Variants in DGKG observed in about 807,000 individuals in gnomAD.
DGKG encodes the protein diacylglycerol kinase gamma, also known as DAG kinase gamma.
In DGKG, 78 loss-of-function variants were observed where a neutral mutation model predicts 105.3. The observed-to-expected ratio is 0.74, with a 90% CI of 0.62 to 0.89. The LOEUF is 0.89. DGKG is among the 40% of genes least tolerant of loss of function. The pLI, the probability that DGKG is intolerant of heterozygous loss-of-function variation, is 0.00. For synonymous variants in DGKG, 346 were observed against 367.1 expected, an observed-to-expected ratio of 0.94 and a Z score of 0.66; for missense variants, 958 against 1,020.1, an observed-to-expected ratio of 0.94 and a Z score of 0.83.
intron 1 of DGKG, among the ~76,000 whole-genome samples, chr3:186,348,449 A>ATT (rs1350593815): frequency 2.7e-5 from 3 of 112,376 alleles, no homozygotes; most frequent in African/African-American, 1.3e-4. Flanking sequence ...CTGGCTCATA[A>ATT]TCTTTTTTTT....
rs148867177 is a variant in DGKG at position 186,243,446 on chromosome 3, C to T, written c.1762-878G>A. 8.2e-3 allele frequency among the ~76,000 whole-genome samples: 1,254 copies of T among 152,212 alleles called. 24 individuals carry two copies. The highest frequency in any genetic ancestry group is 0.027 in the African/African-American group (1,113 of 41,542). On this transcript the variant is annotated intron_variant, in intron 19 of 24. Coordinates refer to ENST00000265022, the MANE Select transcript of DGKG (RefSeq NM_001346.3). ...ACTCCCTAACCCTGGGTTCTACCTG[C>T]GGCCCCCACTCCACACCGTGGCCAT...
At position 186,151,665 on chromosome 3, in the gene DGKG, A is replaced by G. The variant is rs187566960; in HGVS notation, c.2278-1477T>C. Among the ~76,000 whole-genome samples, 991 of 152,290 alleles carry G rather than the reference A, an allele frequency of 6.5e-3. 2 individuals are homozygous for G. Among genetic ancestry groups the G allele is most frequent in the Middle Eastern group, 0.024 (7 of 294 alleles). On this transcript the variant is annotated intron_variant, in intron 24 of 24. Coordinates refer to ENST00000265022, the MANE Select transcript of DGKG (RefSeq NM_001346.3). ...ACATGAAGAAATGAGGAAGCATGAG[A>G]GATGGCATTCTGTGCTGGAGAATAA...
At chr3:186,263,275 A>G (rs1721871427) in intron 14 of DGKG, among the ~76,000 whole-genome samples, 2 of 151,984 alleles carry the variant, frequency 1.3e-5, no homozygotes, top group Non-Finnish European at 1.5e-5. Flanking sequence ...CACTTAAAAC[A>G]TGTACTATTG....
intron 20 of DGKG, among the ~76,000 whole-genome samples, chr3:186,233,710 C>G (rs923264120): frequency 6.6e-6 from 1 of 152,202 alleles, no homozygotes; most frequent in Non-Finnish European, 1.5e-5. Flanking sequence ...GTCTCGATCT[C>G]CTGACCTCGT....
chr3:186,190,189 T>C (rs1177624211), intron 21 of DGKG, among the ~76,000 whole-genome samples: 2 of 152,168 alleles, frequency 1.3e-5, no homozygotes, highest in African/African-American at 4.8e-5. Flanking sequence ...AGTTTTTTAT[T>C]TCTCCTCCCT....
In DGKG at chr3:186,203,752, G is replaced by A. The variant is rs906750434; in HGVS notation, c.1917+8043C>T. On this transcript the variant is annotated intron_variant, in intron 21 of 24. Transcript: ENST00000265022. The surrounding 1 kb of genome is among the most constrained non-coding windows in gnomAD (Gnocchi z 4.9). ...TCAGGTTGGCCCTCTTATTTTCCACGAACTCAAAATCCCTTCTAATGCTCT... is the reference window on the plus strand; with the variant it reads ...TCAGGTTGGCCCTCTTATTTTCCACAAACTCAAAATCCCTTCTAATGCTCT... 7.9e-5 allele frequency among the ~76,000 whole-genome samples: 12 copies of A among 152,184 alleles called. No individual in the cohort carries two copies. The highest frequency in any genetic ancestry group is 2.2e-4 in the African/African-American group (9 of 41,450).
intron 3 of DGKG, among the ~76,000 whole-genome samples, chr3:186,306,056 G>A (rs573312903): frequency 3.3e-5 from 5 of 152,310 alleles, no homozygotes; most frequent in African/African-American, 1.2e-4. Context: ...ACCGTGTCCA[G>A]TGTTGTTGAG....
intron 2 of DGKG, among the ~76,000 whole-genome samples, chr3:186,315,384 T>TTTCCC (rs1724767509): frequency 6.6e-6 from 1 of 152,194 alleles, no homozygotes; most frequent in South Asian, 2.1e-4. Context: ...CTTCTTCACC[T>TTTCCC]TTCCCTTCCC....
chr3:186,228,017 AAAAC>A (rs971361965), intron 20 of DGKG, among the ~76,000 whole-genome samples: 1 of 152,220 alleles, frequency 6.6e-6, no homozygotes, highest in African/African-American at 2.4e-5. Context: ...TCTGGAGCTA[AAAAC>A]AAACAAAGAG....
rs1011233096 is a variant in DGKG, at chr3:186,361,026, C to G, written c.-249+920G>C. 6.6e-6 allele frequency among the ~76,000 whole-genome samples: 1 copy of G among 152,252 alleles called. No individual in the cohort carries two copies. Among genetic ancestry groups the G allele is most frequent in the African/African-American group, 2.4e-5 (1 of 41,468 alleles). On this transcript the variant is annotated intron_variant, in intron 1 of 24. Coordinates refer to ENST00000265022, the MANE Select transcript of DGKG (RefSeq NM_001346.3). This position sits in a 1 kb window ranked among gnomAD's most constrained non-coding sequence, Gnocchi z 6.8. ...ACTGCGGCGCAGCCACAGATCGCTT[C>G]GCGCTGCAGCAGACGCTCCCGCCGC... is the stretch of plus-strand genomic sequence containing the variant.
chr3:186,350,656 G>A (rs765234189), intron 1 of DGKG, among the ~76,000 whole-genome samples: 17 of 152,170 alleles, frequency 1.1e-4, no homozygotes, highest in Non-Finnish European at 7.3e-5. Context: ...AGTTTTTGAG[G>A]ACCCACTGTG....
intron 22 of DGKG, among the ~76,000 whole-genome samples, chr3:186,175,686 G>C (rs1355228026): frequency 6.6e-6 from 1 of 152,120 alleles, no homozygotes; most frequent in Non-Finnish European, 1.5e-5. Flanking sequence ...TCCAGTGCTG[G>C]GCACAGACTC....
Position 186,148,372 on chromosome 3 carries a change from T to A in DGKG, c.*1718A>T. The A allele has an allele frequency of 6.1e-6, 6 of 985,436 alleles. No individual in the cohort carries two copies. Among genetic ancestry groups the A allele is most frequent in the African/African-American group, 1.7e-5 (1 of 57,354 alleles). The allele number at this position is 985,436 out of a possible 1,614,324, so 61.0% of individuals were successfully genotyped here. On this transcript the variant is annotated 3_prime_UTR_variant, in exon 25 of 25. Transcript: ENST00000265022. The stretch of plus-strand genomic sequence containing the variant: ...CATGATGAGGTGACATGTGGAGAGT[T>A]CAGTCTGATGATCTGTTTAGTACCT...
chr3:186,155,558 A>T (rs1226281622), intron 24 of DGKG, among the ~76,000 whole-genome samples: 1 of 152,184 alleles, frequency 6.6e-6, no homozygotes, highest in East Asian at 1.9e-4. Flanking sequence ...TTTTGCAATG[A>T]TAAGTAATGT....
At chr3:186,347,119 T>C (rs1006329165) in intron 1 of DGKG, among the ~76,000 whole-genome samples, 17 of 152,286 alleles carry the variant, frequency 1.1e-4, no homozygotes, top group Admixed American at 5.2e-4. Context: ...ATATTTAGAA[T>C]TGGGTTTTGA....
intron 21 of DGKG, among the ~76,000 whole-genome samples, chr3:186,201,621 G>A (rs1402611072): frequency 7.9e-5 from 12 of 152,198 alleles, no homozygotes; most frequent in Non-Finnish European, 1.3e-4. Flanking sequence ...GAGAAGGCAT[G>A]AGTGCCAGCC....
At chr3:186,266,620 CAG>C (rs1451058190) in intron 13 of DGKG, among the ~76,000 whole-genome samples, 5 of 152,012 alleles carry the variant, frequency 3.3e-5, no homozygotes, top group African/African-American at 1.2e-4. Context: ...ATTTTTGAGA[CAG>C]AGTCTCACTC....
In DGKG at chr3:186,160,282, C is replaced by T. The variant is rs374212713; in HGVS notation, c.2277+1321G>A. 539 of 985,336 alleles carry T rather than the reference C, an allele frequency of 5.5e-4. 2 individuals are homozygous for T. In the African/African-American group the frequency reaches 5.8e-3, roughly 11 times the overall value. 61.0% of individuals were successfully genotyped at this position (985,336 alleles called of 1,614,324 possible). ...GCTTGAATTTATAGGAATAGCAATC[C>T]AGTTTTCAGCTAGGACTGAACCAGG... On this transcript the variant is annotated intron_variant, in intron 24 of 24. Transcript: ENST00000265022.
chr3:186,320,765 A>C, intron 1 of DGKG, 58 bp from the exon 2 acceptor site: 23 of 286,916 alleles, frequency 8.0e-5, no homozygotes, highest in Middle Eastern at 1.1e-3. Context: ...AAGGCCCCAA[A>C]TGTTCTTTGC....
Sources: gnomAD v4.1 joint callset for allele counts (sites outside exome capture counted in the v4.1 genomes callset) on GRCh38, gnomAD v4.1.1 for gene constraint, Gnocchi (gnomAD v3.1) non-coding constraint, MANE v1.5 for transcripts, NCBI Gene and HGNC (gene_info 2026-07-23, HGNC 2026-07-21) for gene names.